The following RBFOX1 variants were observed in gnomAD, a reference collection of about 807,000 sequenced individuals.
RBFOX1 encodes RNA binding protein fox-1 homolog 1.
A neutral mutation model predicts 57.7 loss-of-function variants in RBFOX1; 8 were observed. The ratio of observed to expected loss-of-function variants is 0.14; its 90% CI spans 0.08 to 0.25. The LOEUF (loss-of-function observed/expected upper bound fraction) is 0.25. Among genes scored for constraint, RBFOX1 ranks in the 10% least tolerant of loss-of-function variants. The pLI is 1.00. For synonymous variants in RBFOX1, 326 were observed against 222.4 expected (o/e 1.47, Z -4.15); for missense variants, 611 against 548.5 (o/e 1.11, Z -1.14).
intron 2 of RBFOX1, among the ~76,000 whole-genome samples, chr16:6,489,100 A>C (rs1046315964): frequency 2.6e-5 from 4 of 152,176 alleles, no homozygotes; most frequent in Admixed American, 6.5e-5. Context: ...TTGTGATTTA[A>C]AGTGCCCTAT....
At chr16:7,610,552 G>A (rs1426402310) in intron 10 of RBFOX1, among the ~76,000 whole-genome samples, 1 of 152,112 alleles carries the variant, frequency 6.6e-6, no homozygotes. Context: ...TGACAAATCT[G>A]AGTATCTGTG....
chr16:7,421,037 GATGAACC>G (rs1355597408), intron 4 of RBFOX1, among the ~76,000 whole-genome samples: 1 of 151,700 alleles, frequency 6.6e-6, no homozygotes, highest in Non-Finnish European at 1.5e-5. Flanking sequence ...GCCTCCACTT[GATGAACC>G]ATACCTGACT....
At chr16:5,658,849 G>A (rs1277114440) in intron 3 of RBFOX1, among the ~76,000 whole-genome samples, 1 of 147,650 alleles carries the variant, frequency 6.8e-6, no homozygotes. Flanking sequence ...TATAATATAT[G>A]TATATATATG....
At chr16:6,080,955 C>G (rs1381947711) in intron 1 of RBFOX1, among the ~76,000 whole-genome samples, 1 of 152,198 alleles carries the variant, frequency 6.6e-6, no homozygotes, top group South Asian at 2.1e-4. Context: ...AACCACAAAT[C>G]TAAATCCTAG....
intron 6 of RBFOX1, among the ~76,000 whole-genome samples, chr16:7,584,716 T>G (rs1395902354): frequency 1.3e-5 from 2 of 152,264 alleles, no homozygotes; most frequent in East Asian, 3.8e-4. Context: ...CGTGTCTATT[T>G]AAATTGAAAA....
At chr16:6,876,567 T>G (rs2153298459) in intron 3 of RBFOX1, among the ~76,000 whole-genome samples, 1 of 152,280 alleles carries the variant, frequency 6.6e-6, no homozygotes, top group Admixed American at 6.5e-5. Context: ...CTATAAAAAT[T>G]AATAGTGTGA....
At position 7,656,706 on chromosome 16, in the gene RBFOX1, T is replaced by G. The variant is rs533728792; in HGVS notation, c.890+2759T>G. On this transcript the variant is annotated intron_variant, in intron 12 of 15. Transcript: ENST00000550418. ...ACCTATTGTGTTTTAGGCACTGTTG[T>G]GTGCTGAAGAGACAAATGGCACCTT... 1.3e-4 allele frequency among the ~76,000 whole-genome samples: 20 copies of G among 152,280 alleles called. No individual in the cohort carries two copies. In the East Asian group the frequency reaches 2.9e-3, roughly 22 times the overall value.
chr16:7,254,185 T>A (rs147023997), intron 4 of RBFOX1, among the ~76,000 whole-genome samples: 22 of 152,282 alleles, frequency 1.4e-4, no homozygotes, highest in African/African-American at 5.3e-4. Context: ...TGAAATAGTT[T>A]GCCTGAAATC....
chr16:6,888,914 C>A (rs935856530), intron 3 of RBFOX1, among the ~76,000 whole-genome samples: 1 of 152,150 alleles, frequency 6.6e-6, no homozygotes, highest in East Asian at 1.9e-4. Flanking sequence ...ATTCATTCTC[C>A]TGCCAAGCAG....
chr16:6,614,900 G>A (rs1338039765), intron 2 of RBFOX1, among the ~76,000 whole-genome samples: 28 of 152,158 alleles, frequency 1.8e-4, no homozygotes, highest in Admixed American at 1.6e-3. Flanking sequence ...GCATTTGGAG[G>A]TATCCGGGGT....
chr16:7,420,149 A>G (rs1453375349), intron 4 of RBFOX1, among the ~76,000 whole-genome samples: 3 of 151,986 alleles, frequency 2.0e-5, no homozygotes, highest in Non-Finnish European at 4.4e-5. Flanking sequence ...TGCTTTGGAT[A>G]TATGCTCTCT....
At chr16:7,481,136 T>C (rs183436988) in intron 4 of RBFOX1, among the ~76,000 whole-genome samples, 7 of 152,210 alleles carry the variant, frequency 4.6e-5, no homozygotes, top group African/African-American at 1.4e-4. Flanking sequence ...ATTTGTTCAA[T>C]GAGGATGGTG....
In RBFOX1 at chr16:6,156,018, G is replaced by C. The variant is rs566728831; in HGVS notation, c.-127+136026G>C. ...AGAACTCTGTTTCTTGTTTTATAAA[G>C]TAGGAGACTGGGGCAGAGAAAAATG... is the stretch of plus-strand genomic sequence containing the variant. On this transcript the variant is annotated intron_variant, in intron 1 of 15. Transcript: ENST00000550418. Among the ~76,000 whole-genome samples the C allele has an allele frequency of 7.2e-5, 11 of 152,258 alleles. No homozygotes were observed. In the South Asian group the frequency reaches 2.1e-3, roughly 29 times the overall value.
chr16:6,230,813 G>T (rs564983757), intron 1 of RBFOX1, among the ~76,000 whole-genome samples: 13 of 152,344 alleles, frequency 8.5e-5, no homozygotes, highest in Non-Finnish European at 1.6e-4. Context: ...ATAGTACAAA[G>T]AGATGGAATA....
intron 4 of RBFOX1, among the ~76,000 whole-genome samples, chr16:5,912,444 C>G (rs1329421872): frequency 1.3e-5 from 2 of 152,170 alleles, no homozygotes; most frequent in Non-Finnish European, 2.9e-5. Flanking sequence ...GGTTTGGGGA[C>G]ATGTCACGGC....
chr16:6,791,775 A>T (rs557136067), intron 3 of RBFOX1, among the ~76,000 whole-genome samples: 2 of 152,174 alleles, frequency 1.3e-5, no homozygotes, highest in South Asian at 4.2e-4. Context: ...AAAGCATCAA[A>T]CCAGGTGCAG....
intron 3 of RBFOX1, among the ~76,000 whole-genome samples, chr16:6,900,138 G>A (rs1235902607): frequency 6.6e-6 from 1 of 150,756 alleles, no homozygotes; most frequent in Non-Finnish European, 1.5e-5. Context: ...TTTAGTTATT[G>A]CTGGTGGTGG....
intron 2 of RBFOX1, among the ~76,000 whole-genome samples, chr16:6,566,675 C>T (rs938935448): frequency 1.3e-5 from 2 of 152,166 alleles, no homozygotes; most frequent in African/African-American, 2.4e-5. Context: ...TCTGTCTTCT[C>T]CACAGGCTAA....
At chr16:6,311,477 C>T (rs897128664) in intron 1 of RBFOX1, among the ~76,000 whole-genome samples, 2 of 152,084 alleles carry the variant, frequency 1.3e-5, no homozygotes, top group African/African-American at 2.4e-5. Context: ...GTTGGAGAAT[C>T]CGCTCCTGAA....
Sources: gnomAD v4.1 joint callset for allele counts (sites outside exome capture counted in the v4.1 genomes callset) on GRCh38, gnomAD v4.1.1 for gene constraint, MANE v1.5 for transcripts, NCBI Gene and HGNC (gene_info 2026-07-23, HGNC 2026-07-21) for gene names.